Variants in CLRN1 observed in about 807,000 individuals in gnomAD.
CLRN1 encodes the protein clarin 1.
CLRN1 carries 15 observed loss-of-function variants against 18.7 expected under a neutral mutation model. The observed-to-expected ratio is 0.80, with a 90% CI of 0.54 to 1.23. The LOEUF is 1.23. Among genes scored for constraint, CLRN1 ranks in the 50% most tolerant of loss-of-function variants. The pLI, the probability that CLRN1 is intolerant of heterozygous loss-of-function variation, is 0.00. For synonymous variants in CLRN1, 104 were observed against 102.9 expected, an observed-to-expected ratio of 1.01 and a Z score of -0.07; for missense variants, 311 against 277.5, an observed-to-expected ratio of 1.12 and a Z score of -0.86.
chr3:150,931,174 A>G (rs1713116232), intron 2 of CLRN1, among the ~76,000 whole-genome samples: 1 of 152,244 alleles, frequency 6.6e-6, no homozygotes, highest in Admixed American at 6.5e-5. Context: ...ACATGGGATC[A>G]AGGATAACTA....
rs1715594567 is a variant in CLRN1 at position 150,972,556 on chromosome 3, C to G, written c.153G>C (p.Gly51=). 6.2e-7 allele frequency: 1 copy of G among 1,613,970 alleles called. No individual in the cohort carries two copies. The highest frequency in any genetic ancestry group is 8.5e-7 in the Non-Finnish European group (1 of 1,179,904). The part of the protein sequence containing the change: ...KTGALLVNAS[G]QELDKFMGEM... The stretch of plus-strand genomic sequence containing the variant: ...CACCCATAAACTTGTCCAGCTCCTG[C>G]CCTGAGGCATTGACGAGCAGAGCTC... The change falls in exon 1 of 3, where the codon GGG becomes GGC. Residue 51 remains glycine, a synonymous_variant. Transcript: ENST00000327047.
intron 1 of CLRN1, chr3:150,943,975 G>A: frequency 6.8e-7 from 1 of 1,473,352 alleles, no homozygotes; most frequent in South Asian, 1.2e-5. Flanking sequence ...GTCCCATGAA[G>A]GGGTCAAGAA....
At chr3:150,941,471 C>T in intron 2 of CLRN1, 111 bp downstream of exon 2, 4 of 1,074,886 alleles carry the variant, frequency 3.7e-6, no homozygotes, top group Non-Finnish European at 5.6e-6. Flanking sequence ...TATAATACTA[C>T]AGTGTGCATC....
chr3:150,960,507 G>C lies in CLRN1; in HGVS notation c.253+11949C>G, dbSNP rs1187998511. 2.6e-5 allele frequency among the ~76,000 whole-genome samples: 4 copies of C among 152,074 alleles called. No homozygotes were observed. In the East Asian group the frequency reaches 7.7e-4, roughly 29 times the overall value. ...TCTTTTACTTTTTTTTTCCTGACCAGGTGGATGACTATTGCTATAACTAAT... is the reference window on the plus strand; with the variant it reads ...TCTTTTACTTTTTTTTTCCTGACCACGTGGATGACTATTGCTATAACTAAT... On this transcript the variant is annotated intron_variant, in intron 1 of 2. Transcript: ENST00000327047.
In CLRN1 at chr3:150,936,837, C is replaced by T. The variant is rs181129109; in HGVS notation, c.433+4745G>A. Among the ~76,000 whole-genome samples, 1,095 of 152,034 alleles carry T rather than the reference C, an allele frequency of 7.2e-3. 7 individuals are homozygous for T. The highest frequency in any genetic ancestry group is 0.012 in the South Asian group (57 of 4,816). ...GCACCTAGCCACATTGGCCTTCTTT[C>T]GGTTCCTACAACAAGCAGACCTCTT... is the stretch of plus-strand genomic sequence containing the variant. On this transcript the variant is annotated intron_variant, in intron 2 of 2. Coordinates refer to ENST00000327047, the MANE Select transcript of CLRN1 (RefSeq NM_174878.3).
chr3:150,951,843 G>A (rs1268624588), intron 1 of CLRN1, among the ~76,000 whole-genome samples: 4 of 152,118 alleles, frequency 2.6e-5, no homozygotes, highest in Admixed American at 2.6e-4. Flanking sequence ...CAGATCGCAT[G>A]AGAACTCACT....
At chr3:150,940,987 T>A (rs1713787217) in intron 2 of CLRN1, among the ~76,000 whole-genome samples, 1 of 152,138 alleles carries the variant, frequency 6.6e-6, no homozygotes, top group Non-Finnish European at 1.5e-5. Context: ...TGATGCCATT[T>A]ATTTATTTTT....
At chr3:150,943,795 G>GC in intron 1 of CLRN1, 1 of 1,614,012 alleles carries the variant, frequency 6.2e-7, no homozygotes, top group South Asian at 1.1e-5. Context: ...ACCCTCTGGG[G>GC]CCCTGGGGTT....
intron 2 of CLRN1, among the ~76,000 whole-genome samples, chr3:150,936,900 G>T (rs1479882814): frequency 6.6e-6 from 1 of 151,994 alleles, no homozygotes; most frequent in Non-Finnish European, 1.5e-5. Flanking sequence ...TTCTACTTGG[G>T]ACGTTCTGTG....
chr3:150,968,886 G>T (rs1003744313), intron 1 of CLRN1, among the ~76,000 whole-genome samples: 1 of 152,000 alleles, frequency 6.6e-6, no homozygotes, highest in Non-Finnish European at 1.5e-5. Context: ...TTCCTGGCTG[G>T]TGTCTACCAT....
rs569158468 is a variant in CLRN1, at chr3:150,942,804, C to G, written c.254-1043G>C. Among the ~76,000 whole-genome samples, 343 of 152,286 alleles carry G rather than the reference C, an allele frequency of 2.3e-3. 3 individuals are homozygous for G. Among genetic ancestry groups the G allele is most frequent in the African/African-American group, 7.6e-3 (314 of 41,550 alleles). On this transcript the variant is annotated intron_variant, in intron 1 of 2. Transcript: ENST00000327047. ...TCCAATGCCTTTGAACTTGGATTGG[C>G]CTTCGATTGCTTTGACCTCCTGAAT... is the stretch of plus-strand genomic sequence containing the variant.
At chr3:150,956,040 A>G (rs1014840818) in intron 1 of CLRN1, among the ~76,000 whole-genome samples, 1 of 152,186 alleles carries the variant, frequency 6.6e-6, no homozygotes, top group Admixed American at 6.5e-5. Context: ...TGTTATACAT[A>G]TTGTCTTCAT....
intron 2 of CLRN1, among the ~76,000 whole-genome samples, chr3:150,937,965 A>C (rs946587938): frequency 9.9e-5 from 15 of 152,102 alleles, no homozygotes; most frequent in Non-Finnish European, 2.2e-4. Context: ...AATTGGGAGG[A>C]CTTCTTTTCC....
intron 2 of CLRN1, among the ~76,000 whole-genome samples, chr3:150,935,180 C>G (rs920038531): frequency 6.6e-6 from 1 of 151,518 alleles, no homozygotes; most frequent in African/African-American, 2.4e-5. Flanking sequence ...TTTTAGGGTA[C>G]GTGTGCTCAA....
At position 150,927,862 on chromosome 3, in the gene CLRN1, A is replaced by T. The variant is rs753203335; in HGVS notation, c.*74T>A. The T allele has an allele frequency of 6.5e-7, 1 of 1,543,704 alleles. No homozygotes were observed. Among genetic ancestry groups the T allele is most frequent in the South Asian group, 1.1e-5 (1 of 89,280 alleles). ...TTTAATATATGCAGACTAAAAGGATATGCAAAATTAACCACATCTAAAAGT... is the reference window on the plus strand; with the variant it reads ...TTTAATATATGCAGACTAAAAGGATTTGCAAAATTAACCACATCTAAAAGT... On this transcript the variant is annotated 3_prime_UTR_variant, in exon 3 of 3. Transcript: ENST00000327047.
chr3:150,940,463 T>G (rs940397243), intron 2 of CLRN1: 1 of 1,534,416 alleles, frequency 6.5e-7, no homozygotes, highest in Non-Finnish European at 8.7e-7. Context: ...GGGAGTAGTG[T>G]CAAGAGCAAG....
At chr3:150,954,156 T>A (rs1346036496) in intron 1 of CLRN1, among the ~76,000 whole-genome samples, 1 of 152,150 alleles carries the variant, frequency 6.6e-6, no homozygotes, top group Non-Finnish European at 1.5e-5. Flanking sequence ...TTTGCCCCTT[T>A]ACAGTCAATC....
chr3:150,952,130 A>G (rs369285081), intron 1 of CLRN1, among the ~76,000 whole-genome samples: 3 of 152,202 alleles, frequency 2.0e-5, no homozygotes, highest in Non-Finnish European at 2.9e-5. Flanking sequence ...GCAGTCTTAC[A>G]CTTCCGGCAG....
chr3:150,941,921 G>A (rs904951442), intron 1 of CLRN1, among the ~76,000 whole-genome samples, 160 bp from the exon 2 acceptor site: 1 of 152,082 alleles, frequency 6.6e-6, no homozygotes, highest in Non-Finnish European at 1.5e-5. Flanking sequence ...TTTACAAAAA[G>A]GTTTAAAGAT....
Sources: allele counts gnomAD v4.1 joint callset (sites outside exome capture counted in the v4.1 genomes callset), GRCh38; gene constraint gnomAD v4.1.1; transcripts MANE v1.5; gene names NCBI Gene and HGNC (gene_info 2026-07-23, HGNC 2026-07-21).